The following WDR49 variants were observed in gnomAD, a reference collection of about 807,000 sequenced individuals.
WDR49 encodes cilia- and flagella-associated protein 337.
A neutral mutation model predicts 119.5 loss-of-function variants in WDR49; 107 were observed. The ratio of observed to expected loss-of-function variants is 0.90; its 90% CI spans 0.77 to 1.05. WDR49 has a LOEUF of 1.05. Ranked by LOEUF, WDR49 falls within the 50% of genes least tolerant of loss-of-function variation. The pLI, the probability that WDR49 is intolerant of heterozygous loss-of-function variation, is 0.00. For missense variants in WDR49, 1,240 were observed against 1,220.5 expected (o/e 1.02, Z -0.24); for synonymous variants, 425 against 418.8 (o/e 1.01, Z -0.18).
At chr3:167,633,813 A>G (rs192379356) in intron 2 of WDR49, among the ~76,000 whole-genome samples, 1 of 151,978 alleles carries the variant, frequency 6.6e-6, no homozygotes, top group Non-Finnish European at 1.5e-5. Context: ...GCCAGTCATG[A>G]CCTCTCTCAG....
Position 167,604,334 on chromosome 3 carries a change from C to G in WDR49, c.1093G>C (p.Ala365Pro). Residue 365 changes from alanine (A) to proline (P), a missense_variant, in exon 6 of 19, where the codon GCT (alanine) becomes CCT (proline). Transcript: ENST00000682715. Reference sequence around the variant, plus strand: ...TTGAGCCGAGAGTGATAATCAAAAGCATGAATGCCCTGGGCAATGTTGAAG... The same window carrying G: ...TTGAGCCGAGAGTGATAATCAAAAGGATGAATGCCCTGGGCAATGTTGAAG... ...TSFNIAQGIHAFDYHSRLNLI... is the reference protein window; with the variant it reads ...TSFNIAQGIHPFDYHSRLNLI... 3 of 1,613,704 alleles carry G rather than the reference C, an allele frequency of 1.9e-6. No homozygotes were observed. Among genetic ancestry groups the G allele is most frequent in the Non-Finnish European group, 2.5e-6 (3 of 1,179,834 alleles).
rs111538810 is a variant in WDR49 at position 167,624,324 on chromosome 3, C to A, written c.606+2528G>T. ...AGTATACCTCAAAACGTGGATAATT[C>A]TCAAAATAGTTATGCCATGGTAAAA... On this transcript the variant is annotated intron_variant, in intron 3 of 18. Coordinates refer to ENST00000682715, the MANE Select transcript of WDR49 (RefSeq NM_001366157.1). 2.2e-3 allele frequency among the ~76,000 whole-genome samples: 332 copies of A among 149,398 alleles called. 3 individuals are homozygous for A. The highest frequency in any genetic ancestry group is 0.013 in the South Asian group (61 of 4,760).
At chr3:167,492,893 A>T (rs1751202857) in intron 18 of WDR49, among the ~76,000 whole-genome samples, 1 of 151,558 alleles carries the variant, frequency 6.6e-6, no homozygotes, top group Non-Finnish European at 1.5e-5. Flanking sequence ...GAAGGTCCCA[A>T]CATGACGTAG....
chr3:167,591,029 T>C (rs1311436640), intron 7 of WDR49, among the ~76,000 whole-genome samples: 2 of 151,980 alleles, frequency 1.3e-5, no homozygotes, highest in East Asian at 1.9e-4. Flanking sequence ...AAGTTTTTTC[T>C]CTTTTTTGAT....
At chr3:167,485,679 G>A (rs12486307) in intron 18 of WDR49, among the ~76,000 whole-genome samples, 4 of 151,968 alleles carry the variant, frequency 2.6e-5, no homozygotes, top group Admixed American at 2.6e-4. Flanking sequence ...CTCAAAGACT[G>A]GTTCTTCAAA....
intron 7 of WDR49, among the ~76,000 whole-genome samples, chr3:167,579,429 G>A (rs1023567484): frequency 7.2e-5 from 11 of 151,966 alleles, no homozygotes; most frequent in Admixed American, 5.9e-4. Context: ...AAATTTTATG[G>A]GACTTTTTAA....
At chr3:167,540,182 A>G (rs1432675030) in intron 10 of WDR49, among the ~76,000 whole-genome samples, 1 of 152,194 alleles carries the variant, frequency 6.6e-6, no homozygotes, top group Non-Finnish European at 1.5e-5. Context: ...CTGGCTAACC[A>G]GTGGTCCTGA....
chr3:167,548,185 TC>T (rs1454141796), intron 10 of WDR49, among the ~76,000 whole-genome samples: 1 of 152,012 alleles, frequency 6.6e-6, no homozygotes, highest in African/African-American at 2.4e-5. Context: ...ACACAAAATT[TC>T]TTTCATAGAT....
At chr3:167,617,708 G>T (rs1265369573) in intron 5 of WDR49, among the ~76,000 whole-genome samples, 1 of 152,088 alleles carries the variant, frequency 6.6e-6, no homozygotes, top group Non-Finnish European at 1.5e-5. Flanking sequence ...AAATTCCCCA[G>T]CTGGAAATGG....
chr3:167,485,215 G>A (rs1750875509), intron 18 of WDR49, among the ~76,000 whole-genome samples: 1 of 151,980 alleles, frequency 6.6e-6, no homozygotes, highest in South Asian at 2.1e-4. Flanking sequence ...GAAGGGGAGG[G>A]ATAGCATTAG....
chr3:167,580,763 C>T (rs1714490756), intron 7 of WDR49, among the ~76,000 whole-genome samples: 1 of 152,038 alleles, frequency 6.6e-6, no homozygotes, highest in South Asian at 2.1e-4. Context: ...TCTGAGAATC[C>T]TGCGTTCTCA....
Position 167,560,113 on chromosome 3 carries a change from T to A in WDR49, c.1625A>T (p.Asp542Val). 1 of 1,614,208 alleles carries A rather than the reference T, an allele frequency of 6.2e-7. No individual in the cohort carries two copies. Among genetic ancestry groups the A allele is most frequent in the Non-Finnish European group, 8.5e-7 (1 of 1,180,028 alleles). Residue 542 changes from aspartate to valine, a missense_variant, in exon 9 of 19, where the codon GAT (aspartate) becomes GTT (valine). Asp to Val is a radical substitution (Grantham distance 152). Coordinates refer to ENST00000682715, the MANE Select transcript of WDR49 (RefSeq NM_001366157.1). ...AGTCAAAAGCCGAGTCTCATTTGCA[T>A]CAAGGGCCATAGTGCTGATTTCTGC... ...GNAEISTMAL[D>V]ANETRLLTGS...
intron 2 of WDR49, among the ~76,000 whole-genome samples, chr3:167,632,973 G>A (rs533904699): frequency 8.5e-5 from 13 of 152,080 alleles, no homozygotes; most frequent in African/African-American, 3.1e-4. Flanking sequence ...ATGTGTGGAT[G>A]GCACATTTAT....
intron 7 of WDR49, among the ~76,000 whole-genome samples, chr3:167,588,963 T>G (rs1372924269): frequency 6.6e-6 from 1 of 151,684 alleles, no homozygotes; most frequent in Non-Finnish European, 1.5e-5. Flanking sequence ...TCATCCATTT[T>G]TTCTTCAGTT....
intron 5 of WDR49, among the ~76,000 whole-genome samples, chr3:167,606,559 A>G (rs549188859): frequency 2.0e-5 from 3 of 152,312 alleles, no homozygotes; most frequent in East Asian, 1.9e-4. Context: ...ATACTGGCAT[A>G]TTGCTAATAG....
intron 16 of WDR49, among the ~76,000 whole-genome samples, chr3:167,518,567 T>G (rs1449142630): frequency 3.3e-5 from 5 of 151,316 alleles, no homozygotes; most frequent in Admixed American, 1.3e-4. Flanking sequence ...CTTTGCCCAC[T>G]TTTTGATGGG....
intron 2 of WDR49, among the ~76,000 whole-genome samples, chr3:167,643,651 T>C (rs559061222): frequency 2.1e-3 from 317 of 152,208 alleles, no homozygotes; most frequent in African/African-American, 7.2e-3. Flanking sequence ...TCTAGAAGGA[T>C]GCCTTTGTTC....
In WDR49 at chr3:167,602,241, C is replaced by T. The variant is rs1431166293; in HGVS notation, c.1161G>A (p.Trp387Ter). 25 of 1,592,256 alleles carry T rather than the reference C, an allele frequency of 1.6e-5. No individual in the cohort carries two copies. Among genetic ancestry groups the T allele is most frequent in the Non-Finnish European group, 2.1e-5 (24 of 1,164,028 alleles). Reference sequence around the variant, plus strand: ...CTGGTTTAGAGACAACATAGGGATTCCAAAGGCAAACTTTATTGTTAATGC... The same window carrying T: ...CTGGTTTAGAGACAACATAGGGATTTCAAAGGCAAACTTTATTGTTAATGC... The part of the protein sequence containing the change: ...TAGINNKVCL[W>*]NPYVVSKPVG... The change falls in exon 7 of 19, where the codon TGG becomes TGA. Residue 387 changes from tryptophan (W) to a stop codon, truncating the protein, a stop_gained. Transcript: ENST00000682715. LOFTEE classifies it high-confidence loss of function.
chr3:167,639,098 A>G (rs1200372940), intron 2 of WDR49, among the ~76,000 whole-genome samples: 1 of 151,774 alleles, frequency 6.6e-6, no homozygotes, highest in Non-Finnish European at 1.5e-5. Context: ...TTTTGTGCCT[A>G]GGCTAGAAAC....
Sources: allele counts gnomAD v4.1 joint callset (sites outside exome capture counted in the v4.1 genomes callset), GRCh38; gene constraint gnomAD v4.1.1; transcripts MANE v1.5; gene names NCBI Gene and HGNC (gene_info 2026-07-23, HGNC 2026-07-21).